The following GINS1 variants were observed in gnomAD, a reference collection of about 807,000 sequenced individuals.
GINS1 encodes the protein DNA replication complex GINS protein PSF1.
In GINS1, 26 loss-of-function variants were observed where a neutral mutation model predicts 34.9. The ratio of observed to expected loss-of-function variants is 0.74; its 90% CI spans 0.55 to 1.03. The LOEUF (loss-of-function observed/expected upper bound fraction) is 1.03. GINS1 is among the 50% of genes least tolerant of loss of function. The pLI is 0.00. For synonymous variants in GINS1, 97 were observed against 84.4 expected, an observed-to-expected ratio of 1.15 and a Z score of -0.82; for missense variants, 235 against 237.9, an observed-to-expected ratio of 0.99 and a Z score of 0.08.
intron 1 of GINS1, among the ~76,000 whole-genome samples, chr20:25,408,618 G>A (rs1416861156): frequency 6.6e-6 from 1 of 152,172 alleles, no homozygotes; most frequent in Non-Finnish European, 1.5e-5. Context: ...AGCACTTTGG[G>A]AGGCTGAGGC....
chr20:25,434,575 T>C (rs184577569), intron 5 of GINS1, among the ~76,000 whole-genome samples: 1 of 152,260 alleles, frequency 6.6e-6, no homozygotes, highest in East Asian at 1.9e-4. Flanking sequence ...GCCTCCTAAG[T>C]AGCTATGACT....
intron 5 of GINS1, among the ~76,000 whole-genome samples, chr20:25,440,810 C>CAAAAAAAAAAAAAA (rs60014594): frequency 7.2e-5 from 5 of 69,068 alleles, no homozygotes; most frequent in South Asian, 6.1e-4. Context: ...GACTCTGTCT[C>CAAAAAAAAAAAAAA]AAAAAAAAAA....
rs575151881 is a variant in GINS1 at position 25,418,803 on chromosome 20, A to G, written c.330+608A>G. 8.5e-5 allele frequency among the ~76,000 whole-genome samples: 13 copies of G among 152,342 alleles called. 1 individual carries two copies. The highest frequency in any genetic ancestry group is 4.1e-4 in the South Asian group (2 of 4,826). ...AGTGTTTATTGGGGCTTCATTACAT[A>G]GACATGACTGATTAAATTGCTGGCC... On this transcript the variant is annotated intron_variant, in intron 4 of 6. Transcript: ENST00000262460.
intron 1 of GINS1, chr20:25,408,929 A>C (rs1391914501): frequency 1.5e-5 from 15 of 983,826 alleles, no homozygotes; most frequent in Middle Eastern, 5.2e-4. Context: ...TGGGCACAAA[A>C]ACAGATAATA....
At chr20:25,444,927 C>T (rs972691041) in intron 6 of GINS1, among the ~76,000 whole-genome samples, 2 of 152,216 alleles carry the variant, frequency 1.3e-5, no homozygotes, top group Non-Finnish European at 2.9e-5. Flanking sequence ...AATGTTCAGA[C>T]TCTGAAATCC....
At chr20:25,417,603 C>A (rs140238153) in intron 3 of GINS1, among the ~76,000 whole-genome samples, 1 of 152,104 alleles carries the variant, frequency 6.6e-6, no homozygotes, top group Non-Finnish European at 1.5e-5. Flanking sequence ...TGCCTATAAT[C>A]CCAGCAATTT....
intron 6 of GINS1, among the ~76,000 whole-genome samples, chr20:25,442,330 A>ATCTGTCTG (rs1489137759): frequency 2.1e-4 from 28 of 131,476 alleles, no homozygotes; most frequent in Middle Eastern, 3.8e-3. Context: ...TTATCCATCT[A>ATCTGTCTG]TCTATCTATC....
intron 1 of GINS1, among the ~76,000 whole-genome samples, chr20:25,412,201 TTTTGCAGTGCAAAC>T (rs1315342649): frequency 6.6e-6 from 1 of 152,206 alleles, no homozygotes; most frequent in Admixed American, 6.5e-5. Context: ...TATGGCCGGT[TTTTGCAGTGCAAAC>T]CAAAAACACT....
intron 1 of GINS1, among the ~76,000 whole-genome samples, chr20:25,410,079 C>T (rs867956528): frequency 3.2e-4 from 49 of 152,216 alleles, no homozygotes; most frequent in African/African-American, 1.1e-3. Context: ...TGGTGGCTCA[C>T]GCCTGTAATC....
At chr20:25,433,724 A>T (rs1453565291) in intron 5 of GINS1, among the ~76,000 whole-genome samples, 1 of 152,186 alleles carries the variant, frequency 6.6e-6, no homozygotes, top group East Asian at 1.9e-4. Flanking sequence ...TTTAATTTCA[A>T]CTTACAGCAG....
intron 4 of GINS1, among the ~76,000 whole-genome samples, chr20:25,422,000 C>G (rs1049425229): frequency 4.6e-5 from 7 of 151,320 alleles, no homozygotes; most frequent in Non-Finnish European, 1.0e-4. Flanking sequence ...AAAAACAATG[C>G]AGTTTTTACC....
chr20:25,431,043 G>A (rs1245793726), intron 5 of GINS1, among the ~76,000 whole-genome samples: 1 of 152,146 alleles, frequency 6.6e-6, no homozygotes, highest in Non-Finnish European at 1.5e-5. Flanking sequence ...CAGCTCTAGG[G>A]TTTTCTTTAT....
intron 3 of GINS1, 65 bp from the exon 4 acceptor site, chr20:25,418,040 A>G (rs946816768): frequency 1.1e-5 from 10 of 877,590 alleles, no homozygotes; most frequent in Non-Finnish European, 1.2e-5. Context: ...ATCAGGGGCC[A>G]AATGAAGTCC....
At chr20:25,428,594 C>T (rs1205410767) in intron 5 of GINS1, among the ~76,000 whole-genome samples, 5 of 151,312 alleles carry the variant, frequency 3.3e-5, no homozygotes, top group East Asian at 2.0e-4. Flanking sequence ...TTAGTAGAGA[C>T]GGGGTTTCAC....
intron 5 of GINS1, among the ~76,000 whole-genome samples, chr20:25,430,691 C>T (rs562343251): frequency 7.5e-4 from 114 of 152,252 alleles, no homozygotes; most frequent in African/African-American, 2.2e-3. Flanking sequence ...CCACCACACC[C>T]GGCTAATTTT....
intron 5 of GINS1, among the ~76,000 whole-genome samples, chr20:25,433,518 A>AGGAGGC (rs1568807296): frequency 6.6e-6 from 1 of 152,256 alleles, no homozygotes; most frequent in East Asian, 1.9e-4. Context: ...TTGTTATACC[A>AGGAGGC]TATCATTTTT....
chr20:25,423,442 T>TTTTTCTTTTC (rs764431254), intron 4 of GINS1, among the ~76,000 whole-genome samples: 26 of 121,580 alleles, frequency 2.1e-4, no homozygotes, highest in Admixed American at 7.6e-4. Flanking sequence ...TATTAAGATA[T>TTTTTCTTTTC]TTTTCTTTTC....
chr20:25,426,382 G>A (rs1255227849), intron 5 of GINS1, among the ~76,000 whole-genome samples: 1 of 151,868 alleles, frequency 6.6e-6, no homozygotes, highest in Non-Finnish European at 1.5e-5. Flanking sequence ...TGACCAACAT[G>A]GAGAAACCCC....
intron 1 of GINS1, among the ~76,000 whole-genome samples, chr20:25,410,815 A>G (rs1428973935): frequency 6.6e-6 from 1 of 152,028 alleles, no homozygotes; most frequent in South Asian, 2.1e-4. Context: ...CACCCACCTC[A>G]GCCTCCCAAA....
Sources: allele counts gnomAD v4.1 joint callset (sites outside exome capture counted in the v4.1 genomes callset), GRCh38; gene constraint gnomAD v4.1.1; transcripts MANE v1.5; gene names NCBI Gene and HGNC (gene_info 2026-07-23, HGNC 2026-07-21).